The following NEO1 variants were observed in gnomAD, a reference collection of about 807,000 sequenced individuals.
NEO1 encodes neogenin.
In NEO1, 63 loss-of-function variants were observed where a neutral mutation model predicts 159.7. That is an observed-to-expected ratio of 0.39 (90% CI 0.32 to 0.49). NEO1 has a LOEUF of 0.49. NEO1 is among the 20% of genes least tolerant of loss of function. The pLI is 0.85. For missense variants in NEO1, 1,615 were observed against 1,831.0 expected, an observed-to-expected ratio of 0.88 and a Z score of 2.15; for synonymous variants, 633 against 662.0, an observed-to-expected ratio of 0.96 and a Z score of 0.67.
Position 73,136,103 on chromosome 15 carries a change from A to C in NEO1, c.1015+76A>C, listed in dbSNP as rs932327767. The C allele has an allele frequency of 7.4e-6, 10 of 1,346,658 alleles. No individual in the cohort carries two copies. The East Asian group carries it at 1.9e-4, about 26-fold the overall frequency. The allele number at this position is 1,346,658 out of a possible 1,614,324, so 83.4% of individuals were successfully genotyped here. A position where few individuals can be genotyped will look rare whatever the true frequency, so the allele number is the denominator to read the frequency against. ...CTGCTAATTTTTAAGAAATATTAAC[A>C]TGGGCGAGGCAATACAGCAAAACAA... On this transcript the variant is annotated intron_variant, in intron 5 of 28. Transcript: ENST00000261908.
intron 1 of NEO1, among the ~76,000 whole-genome samples, chr15:73,112,529 G>A (rs1455819432): frequency 6.6e-6 from 1 of 151,820 alleles, no homozygotes. Context: ...GATTATCCTT[G>A]TATTTTCCTA....
intron 1 of NEO1, among the ~76,000 whole-genome samples, chr15:73,111,094 C>G (rs952036600): frequency 6.6e-6 from 1 of 152,150 alleles, no homozygotes; most frequent in Admixed American, 6.5e-5. Flanking sequence ...TGTACGCTCT[C>G]TGCTCTCTTT....
chr15:73,201,346 A>G (rs926641166), intron 7 of NEO1, among the ~76,000 whole-genome samples: 3 of 151,832 alleles, frequency 2.0e-5, no homozygotes, highest in Non-Finnish European at 4.4e-5. Context: ...TTATTTAGAT[A>G]TATTTATTTC....
chr15:73,169,167 A>G (rs2034787668), intron 5 of NEO1, among the ~76,000 whole-genome samples: 1 of 152,158 alleles, frequency 6.6e-6, no homozygotes, highest in South Asian at 2.1e-4. Context: ...TTTCAGCATT[A>G]TGTAACAGTG....
At chr15:73,062,279 C>G (rs1459236614) in intron 1 of NEO1, among the ~76,000 whole-genome samples, 2 of 152,106 alleles carry the variant, frequency 1.3e-5, no homozygotes, top group Non-Finnish European at 2.9e-5. Context: ...AGCATCTTTT[C>G]AGATTTTTAT....
In NEO1 at chr15:73,112,240, A is replaced by G. The variant is rs139984460; in HGVS notation, c.131-4300A>G. ...TGGATAATATTCTAAGGCAAGGATC[A>G]GCAAACTGCAATAAACGGATCAAAT... On this transcript the variant is annotated intron_variant, in intron 1 of 28. Transcript: ENST00000261908. 5.5e-3 allele frequency among the ~76,000 whole-genome samples: 831 copies of G among 152,220 alleles called. 6 individuals are homozygous for G. The highest frequency in any genetic ancestry group is 0.019 in the African/African-American group (790 of 41,540).
intron 5 of NEO1, among the ~76,000 whole-genome samples, chr15:73,165,932 G>A (rs1354558264): frequency 6.6e-6 from 1 of 152,192 alleles, no homozygotes; most frequent in African/African-American, 2.4e-5. Flanking sequence ...TGTGTCAGGA[G>A]ACGGGATTTT....
intron 1 of NEO1, among the ~76,000 whole-genome samples, chr15:73,093,056 T>C (rs540594258): frequency 5.3e-5 from 8 of 152,348 alleles, no homozygotes; most frequent in African/African-American, 1.7e-4. Context: ...ATGACCTTGA[T>C]AGTTTTAAGG....
intron 1 of NEO1, among the ~76,000 whole-genome samples, chr15:73,080,539 T>C (rs2068990204): frequency 6.6e-6 from 1 of 152,020 alleles, no homozygotes; most frequent in South Asian, 2.1e-4. Flanking sequence ...TTTTTTTTCT[T>C]CAAAAAGGCC....
In NEO1 at chr15:73,288,315, A is replaced by G; in HGVS notation, c.3413A>G (p.Lys1138Arg). 6.2e-7 allele frequency: 1 copy of G among 1,611,436 alleles called. No individual in the cohort carries two copies. Among genetic ancestry groups the G allele is most frequent in the Middle Eastern group, 1.7e-4 (1 of 6,056 alleles). Residue 1138 changes from lysine to arginine, a missense_variant and splice_region_variant, in exon 24 of 29, where the codon AAA (lysine) becomes AGA (arginine). Around this residue, in one of 3 missense-constraint regions of NEO1, gnomAD observed 471 missense variants for 498.9 expected, o/e 0.94. Transcript: ENST00000261908. ...GCTCCTCTGAACTTCGTGCCTAGGA[A>G]ACGAGCTGCCTGCAAATCAGTGAAT... ...TRRTTSHQKKKRAACKSVNGS... is the reference protein window; with the variant it reads ...TRRTTSHQKKRRAACKSVNGS...
intron 1 of NEO1, among the ~76,000 whole-genome samples, chr15:73,058,385 G>A (rs1321636167): frequency 6.6e-6 from 1 of 152,124 alleles, no homozygotes; most frequent in Non-Finnish European, 1.5e-5. Flanking sequence ...TGCAAGAGTT[G>A]GCATTGGAAT....
chr15:73,219,678 T>TG (rs2038118741), intron 7 of NEO1, among the ~76,000 whole-genome samples: 1 of 139,604 alleles, frequency 7.2e-6, no homozygotes, highest in South Asian at 2.6e-4. Context: ...CATTATGTAA[T>TG]GGCCTTCTTT....
chr15:73,301,351 C>G lies in NEO1; in HGVS notation c.4196C>G (p.Thr1399Arg). The G allele has an allele frequency of 6.2e-7, 1 of 1,614,204 alleles. No individual in the cohort carries two copies. The highest frequency in any genetic ancestry group is 1.1e-5 in the South Asian group (1 of 91,076). Residue 1399 changes from threonine to arginine, a missense_variant, in exon 28 of 29, where the codon ACA becomes AGA. Physicochemically the swap from Thr to Arg is moderately conservative, Grantham distance 71. This residue lies in a region of NEO1 where 471 missense variants were observed against 498.9 expected (regional missense o/e 0.94). Coordinates refer to ENST00000261908, the MANE Select transcript of NEO1 (RefSeq NM_002499.4). Reference sequence around the variant, plus strand: ...AACCATCACATTCACTCAGTGAAGACAGCCTCCATCGGGACTCTAGGAAGG... The same window carrying G: ...AACCATCACATTCACTCAGTGAAGAGAGCCTCCATCGGGACTCTAGGAAGG... ...ALNHHIHSVK[T>R]ASIGTLGRSR...
At chr15:73,255,696 C>T (rs1427217359) in intron 13 of NEO1, 2 of 152,270 alleles carry the variant, frequency 1.3e-5, no homozygotes, top group Non-Finnish European at 2.9e-5. Flanking sequence ...AGTGCCAAGA[C>T]TCTGTCCTGC....
At chr15:73,060,204 T>C (rs574293568) in intron 1 of NEO1, among the ~76,000 whole-genome samples, 1 of 152,204 alleles carries the variant, frequency 6.6e-6, no homozygotes, top group Non-Finnish European at 1.5e-5. Flanking sequence ...AAAATCTTTT[T>C]GGTTAATTGT....
At chr15:73,055,630 G>A (rs1023062057) in intron 1 of NEO1, among the ~76,000 whole-genome samples, 1 of 152,048 alleles carries the variant, frequency 6.6e-6, no homozygotes, top group Admixed American at 6.5e-5. Flanking sequence ...CTTGCCACTC[G>A]GTACCTTCAC....
intron 5 of NEO1, among the ~76,000 whole-genome samples, chr15:73,147,561 T>G (rs2033008736): frequency 6.6e-6 from 1 of 152,158 alleles, no homozygotes; most frequent in Admixed American, 6.5e-5. Context: ...TAAATATTCT[T>G]CATTCTTTAT....
Position 73,183,141 on chromosome 15 carries a change from G to A in NEO1, c.1291+4714G>A, listed in dbSNP as rs190802795. Among the ~76,000 whole-genome samples, 364 of 152,244 alleles carry A rather than the reference G, an allele frequency of 2.4e-3. 3 individuals are homozygous for A. The highest frequency in any genetic ancestry group is 7.5e-3 in the African/African-American group (312 of 41,552). On this transcript the variant is annotated intron_variant, in intron 7 of 28. Transcript: ENST00000261908. ...TCCCAATTAAGAGGAGGCAAAAGCA[G>A]GAGACTACAGAAAGCCATCTCTGTG...
chr15:73,125,536 A>G (rs559886945), intron 3 of NEO1, among the ~76,000 whole-genome samples: 1 of 152,346 alleles, frequency 6.6e-6, no homozygotes, highest in South Asian at 2.1e-4. Flanking sequence ...GGAGGTTGTT[A>G]TCATGGCTGT....
Sources: gnomAD v4.1 joint callset for allele counts (sites outside exome capture counted in the v4.1 genomes callset) on GRCh38, gnomAD v4.1.1 for gene constraint, gnomAD v4.1.1 regional missense constraint, MANE v1.5 for transcripts, NCBI Gene and HGNC (gene_info 2026-07-23, HGNC 2026-07-21) for gene names.